Variants in HTRA1 observed in about 807,000 individuals in gnomAD.
HTRA1 encodes serine protease HTRA1.
Under a neutral mutation model 49.7 loss-of-function variants are expected in HTRA1, and 26 were observed. The ratio of observed to expected loss-of-function variants is 0.52; its 90% CI spans 0.38 to 0.73. The LOEUF (loss-of-function observed/expected upper bound fraction) is 0.73, where lower values mean the gene tolerates loss of function less well. Among genes scored for constraint, HTRA1 ranks in the 30% least tolerant of loss-of-function variants. The pLI is 0.00. For missense variants in HTRA1, 561 were observed against 667.2 expected (o/e 0.84, Z 1.75); for synonymous variants, 291 against 286.9 (o/e 1.01, Z -0.14).
At chr10:122,502,430 T>C (rs1199936932) in intron 3 of HTRA1, among the ~76,000 whole-genome samples, 1 of 152,196 alleles carries the variant, frequency 6.6e-6, no homozygotes, top group African/African-American at 2.4e-5. Context: ...TGGCTAGGAC[T>C]TTGCAATTTA....
rs1565427091 is a variant in HTRA1, at chr10:122,496,224, G to GTTTTTTTTTTTTT, written c.777+6598_777+6599insTTTTTTTTTTTTT. Among the ~76,000 whole-genome samples, 37 of 32,102 alleles carry GTTTTTTTTTTTTT rather than the reference G, an allele frequency of 1.2e-3. 1 individual carries two copies. Among genetic ancestry groups the GTTTTTTTTTTTTT allele is most frequent in the East Asian group, 4.9e-3 (8 of 1,648 alleles). The allele number at this position is 32,102 out of a possible 152,430, so 21.1% of individuals were successfully genotyped here. A position where few individuals can be genotyped will look rare whatever the true frequency, so the allele number is the denominator to read the frequency against. On this transcript the variant is annotated intron_variant, in intron 3 of 8. Coordinates refer to ENST00000368984, the MANE Select transcript of HTRA1 (RefSeq NM_002775.5). ...GCCCTTTCGTTTGCCAGAGATTGTGGGTTCTTTTTTTTTTTTTTTTTTTTT... is the reference window on the plus strand; with the variant it reads ...GCCCTTTCGTTTGCCAGAGATTGTGGTTTTTTTTTTTTTGTTCTTTTTTTTTTTTTTTTTTTTT...
chr10:122,464,737 AG>A lies in HTRA1; in HGVS notation c.472+2615del. Among the ~76,000 whole-genome samples the A allele has an allele frequency of 6.6e-6, 1 of 152,366 alleles. No individual in the cohort carries two copies. The highest frequency in any genetic ancestry group is 2.4e-5 in the African/African-American group (1 of 41,584). ...CTTCATTCAGTCCAAGCCAGGCTCCAGGACTCAACAGCTGGTGCCCACGGGC... is the reference window on the plus strand; with the variant it reads ...CTTCATTCAGTCCAAGCCAGGCTCCAGACTCAACAGCTGGTGCCCACGGGC... On this transcript the variant is annotated intron_variant, in intron 1 of 8. Coordinates refer to ENST00000368984, the MANE Select transcript of HTRA1 (RefSeq NM_002775.5). This position sits in a 1 kb window ranked among gnomAD's most constrained non-coding sequence, Gnocchi z 4.8.
At chr10:122,499,205 T>C (rs1591036952) in intron 3 of HTRA1, among the ~76,000 whole-genome samples, 1 of 152,098 alleles carries the variant, frequency 6.6e-6, no homozygotes, top group East Asian at 1.9e-4. Flanking sequence ...GGGAAGATGC[T>C]TGGCTCGACT....
At chr10:122,469,596 G>C (rs751317768) in intron 1 of HTRA1, among the ~76,000 whole-genome samples, 19 of 152,232 alleles carry the variant, frequency 1.2e-4, no homozygotes, top group Non-Finnish European at 2.6e-4. Flanking sequence ...CTGCCACTGG[G>C]TGCTCTGTGG....
At position 122,476,618 on chromosome 10, in the gene HTRA1, G is replaced by T. The variant is rs374474068; in HGVS notation, c.473-12284G>T. The stretch of plus-strand genomic sequence containing the variant: ...AGCGACTGGCCGTTTGCAGGCACTC[G>T]GTCCCAGTTGTCCTGGGCCTGCAGC... On this transcript the variant is annotated intron_variant, in intron 1 of 8. Transcript: ENST00000368984. 5.3e-5 allele frequency among the ~76,000 whole-genome samples: 8 copies of T among 152,302 alleles called. No homozygotes were observed. The East Asian group carries it at 1.2e-3, about 22-fold the overall frequency.
intron 3 of HTRA1, among the ~76,000 whole-genome samples, chr10:122,504,177 G>A (rs929569063): frequency 1.3e-5 from 2 of 152,148 alleles, no homozygotes; most frequent in Non-Finnish European, 1.5e-5. Flanking sequence ...ATCCCTGCCT[G>A]GGGGCTCCCC....
rs71026021 is a variant in HTRA1, at chr10:122,496,228, C to CTTT, written c.777+6631_777+6633dup. Among the ~76,000 whole-genome samples, 103 of 75,652 alleles carry CTTT rather than the reference C, an allele frequency of 1.4e-3. 7 individuals carry two copies. Among genetic ancestry groups the CTTT allele is most frequent in the African/African-American group, 4.7e-3 (88 of 18,538 alleles). 49.6% of individuals were successfully genotyped at this position (75,652 alleles called of 152,430 possible). The stretch of plus-strand genomic sequence containing the variant: ...TTTCGTTTGCCAGAGATTGTGGGTT[C>CTTT]TTTTTTTTTTTTTTTTTTTTTTTTT... On this transcript the variant is annotated intron_variant, in intron 3 of 8. Transcript: ENST00000368984.
intron 5 of HTRA1, among the ~76,000 whole-genome samples, 172 bp from the exon 6 acceptor site, chr10:122,508,484 G>A (rs1355893124): frequency 6.6e-6 from 1 of 152,254 alleles, no homozygotes; most frequent in East Asian, 1.9e-4. Context: ...GGCTCGCGCT[G>A]CCTGGGTGTC....
intron 1 of HTRA1, among the ~76,000 whole-genome samples, chr10:122,486,031 G>A (rs1176902648): frequency 1.3e-5 from 2 of 152,134 alleles, no homozygotes; most frequent in Non-Finnish European, 2.9e-5. Flanking sequence ...TGGAGTGCTC[G>A]GGGGGACACA....
intron 1 of HTRA1, among the ~76,000 whole-genome samples, chr10:122,485,538 A>G (rs909989825): frequency 3.3e-5 from 5 of 152,216 alleles, no homozygotes; most frequent in African/African-American, 1.2e-4. Context: ...TCCATCTTAC[A>G]GATGAGGAAA....
rs565660490 is a variant in HTRA1, at chr10:122,468,042, T to G, written c.472+5918T>G. 2.6e-5 allele frequency among the ~76,000 whole-genome samples: 4 copies of G among 152,340 alleles called. No individual in the cohort carries two copies. In the East Asian group the frequency reaches 7.7e-4, roughly 29 times the overall value. On this transcript the variant is annotated intron_variant, in intron 1 of 8. Coordinates refer to ENST00000368984, the MANE Select transcript of HTRA1 (RefSeq NM_002775.5). ...TGGAGTCAGTGCTGAGAGTTCCATT[T>G]CTAAATTCATTCAGAGCATTTATTT...
rs369194458 is a variant in HTRA1, at chr10:122,506,356, G to A, written c.778-335G>A. Among the ~76,000 whole-genome samples the A allele has an allele frequency of 7.2e-5, 11 of 152,226 alleles. No homozygotes were observed. The highest frequency in any genetic ancestry group is 2.6e-4 in the African/African-American group (11 of 41,528). ...TTCATGTTGTCTTCCTCTGTCTCTT[G>A]GCCTCAAGGTTTCAGAGTGAGTCTG... On this transcript the variant is annotated intron_variant, in intron 3 of 8. Coordinates refer to ENST00000368984, the MANE Select transcript of HTRA1 (RefSeq NM_002775.5). This position sits in a 1 kb window ranked among gnomAD's most constrained non-coding sequence, Gnocchi z 5.2.
At chr10:122,495,968 G>C (rs2097498406) in intron 3 of HTRA1, among the ~76,000 whole-genome samples, 1 of 152,094 alleles carries the variant, frequency 6.6e-6, no homozygotes, top group African/African-American at 2.4e-5. Context: ...GCTGCATTCA[G>C]TCTACACCAG....
chr10:122,479,714 T>C (rs2133431432), intron 1 of HTRA1, among the ~76,000 whole-genome samples: 1 of 151,902 alleles, frequency 6.6e-6, no homozygotes, highest in South Asian at 2.1e-4. Flanking sequence ...GTGGGAGTTG[T>C]GCATTAAGGA....
At chr10:122,504,120 C>A (rs934403553) in intron 3 of HTRA1, among the ~76,000 whole-genome samples, 2 of 152,144 alleles carry the variant, frequency 1.3e-5, no homozygotes, top group African/African-American at 4.8e-5. Flanking sequence ...TGGCCCTCCC[C>A]GGGAGCATGG....
At chr10:122,498,497 C>T (rs1423458953) in intron 3 of HTRA1, among the ~76,000 whole-genome samples, 2 of 152,234 alleles carry the variant, frequency 1.3e-5, no homozygotes, top group Admixed American at 1.3e-4. Flanking sequence ...AAGCTTCTCA[C>T]TCTTGGTCCA....
intron 1 of HTRA1, among the ~76,000 whole-genome samples, chr10:122,466,949 C>T (rs914355840): frequency 1.4e-5 from 2 of 138,914 alleles, no homozygotes; most frequent in Non-Finnish European, 1.5e-5. Flanking sequence ...AGGAAGTTAA[C>T]AAGCTCAAAA....
chr10:122,509,565 C>T lies in HTRA1; in HGVS notation c.1121-531C>T, dbSNP rs115532656. On this transcript the variant is annotated intron_variant, in intron 6 of 8. Coordinates refer to ENST00000368984, the MANE Select transcript of HTRA1 (RefSeq NM_002775.5). ...GGGGTGGAAAGAGGCCAAGGCCGGG[C>T]GAGCAGGCTCACAGCAGGCCGTGGT... 6.8e-3 allele frequency among the ~76,000 whole-genome samples: 1,040 copies of T among 152,312 alleles called. 14 individuals are homozygous for T. The highest frequency in any genetic ancestry group is 0.024 in the African/African-American group (993 of 41,564).
Position 122,487,223 on chromosome 10 carries a change from T to G in HTRA1, c.473-1679T>G, listed in dbSNP as rs2097493488. ...TCCCTGGAGCCTGCTTGTGCAACGC[T>G]GAGCTAGTCCAAGGGGGAAGAATGG... is the stretch of plus-strand genomic sequence containing the variant. On this transcript the variant is annotated intron_variant, in intron 1 of 8. Coordinates refer to ENST00000368984, the MANE Select transcript of HTRA1 (RefSeq NM_002775.5). This position sits in a 1 kb window ranked among gnomAD's most constrained non-coding sequence, Gnocchi z 4.8. 6.6e-6 allele frequency among the ~76,000 whole-genome samples: 1 copy of G among 152,196 alleles called. No homozygotes were observed. The highest frequency in any genetic ancestry group is 1.5e-5 in the Non-Finnish European group (1 of 68,040).
Sources: allele counts gnomAD v4.1 joint callset (sites outside exome capture counted in the v4.1 genomes callset), GRCh38; gene constraint gnomAD v4.1.1; non-coding constraint Gnocchi (gnomAD v3.1); transcripts MANE v1.5; gene names NCBI Gene and HGNC (gene_info 2026-07-23, HGNC 2026-07-21).